LRIG3: variants seen among roughly 807,000 people sequenced by gnomAD.
LRIG3 encodes leucine rich repeats and immunoglobulin like domains 3.
A neutral mutation model predicts 114.5 loss-of-function variants in LRIG3; 76 were observed. The observed-to-expected ratio is 0.66, with a 90% CI of 0.55 to 0.80. LRIG3 has a LOEUF of 0.80. LRIG3 is among the 30% of genes least tolerant of loss of function. The pLI, the probability that LRIG3 is intolerant of heterozygous loss-of-function variation, is 0.00. For missense variants in LRIG3, 1,239 were observed against 1,382.8 expected, an observed-to-expected ratio of 0.90 and a Z score of 1.65; for synonymous variants, 512 against 519.8, an observed-to-expected ratio of 0.98 and a Z score of 0.20.
rs1414005876 is a variant in LRIG3 at position 58,907,888 on chromosome 12, A to C, written c.383+6094T>G. ...GGCTGAGGGGATTGAGAGCTCGCTA[A>C]GATAAAAGTTGGACCCTGGAAGGAG... On this transcript the variant is annotated intron_variant, in intron 3 of 18. Coordinates refer to ENST00000320743, the MANE Select transcript of LRIG3 (RefSeq NM_153377.5). Among the ~76,000 whole-genome samples the C allele has an allele frequency of 2.0e-5, 3 of 152,164 alleles. No homozygotes were observed. The East Asian group carries it at 5.8e-4, about 29-fold the overall frequency.
Position 58,874,172 on chromosome 12 carries a change from T to C in LRIG3, c.2998A>G (p.Thr1000Ala). Reference protein sequence around the residue: ...WPSHVRKLLNTSYSHNEGPGM... With the variant: ...WPSHVRKLLNASYSHNEGPGM... Reference sequence around the variant, plus strand: ...GGTCCTTCATTGTGAGAGTAACTAGTGTTAAGTAGCTTCCTCACATGTGAA... The same window carrying C: ...GGTCCTTCATTGTGAGAGTAACTAGCGTTAAGTAGCTTCCTCACATGTGAA... Residue 1000 changes from threonine to alanine, a missense_variant, in exon 18 of 19, where the codon ACT becomes GCT. By Grantham distance (58) the Thr-to-Ala change is moderately conservative. Coordinates refer to ENST00000320743, the MANE Select transcript of LRIG3 (RefSeq NM_153377.5). 6 of 1,614,204 alleles carry C rather than the reference T, an allele frequency of 3.7e-6. No homozygotes were observed. Among genetic ancestry groups the C allele is most frequent in the Non-Finnish European group, 5.1e-6 (6 of 1,180,032 alleles).
chr12:58,888,709 T>C, intron 6 of LRIG3, 110 bp downstream of exon 6: 4 of 1,429,386 alleles, frequency 2.8e-6, no homozygotes, highest in Non-Finnish European at 3.8e-6. Context: ...ATAAATAAGA[T>C]TGTGGATGAT....
chr12:58,895,138 C>A (rs1871594738), intron 3 of LRIG3, among the ~76,000 whole-genome samples: 2 of 152,192 alleles, frequency 1.3e-5, no homozygotes, highest in African/African-American at 4.8e-5. Context: ...ACATGGCTTA[C>A]CATTTTCATC....
intron 3 of LRIG3, among the ~76,000 whole-genome samples, chr12:58,908,742 G>C (rs1417572905): frequency 6.6e-6 from 1 of 152,170 alleles, no homozygotes; most frequent in Admixed American, 6.5e-5. Context: ...AAGGAGATCT[G>C]TCTGAATTAC....
chr12:58,889,961 G>A (rs369313381), intron 5 of LRIG3, 35 bp downstream of exon 5: 3 of 1,606,612 alleles, frequency 1.9e-6, no homozygotes, highest in Non-Finnish European at 2.6e-6. Flanking sequence ...TTTGGAGGAG[G>A]TGAGAAACAG....
intron 3 of LRIG3, among the ~76,000 whole-genome samples, chr12:58,896,755 A>G (rs560843315): frequency 8.5e-5 from 13 of 152,338 alleles, no homozygotes; most frequent in Middle Eastern, 6.8e-3. Context: ...ATTGCAACTA[A>G]CAAATTGCTG....
chr12:58,888,718 A>C (rs1224098447), intron 6 of LRIG3, 101 bp downstream of exon 6: 20 of 1,455,630 alleles, frequency 1.4e-5, no homozygotes, highest in Non-Finnish European at 1.7e-5. Flanking sequence ...ATTGTGGATG[A>C]TGAGATTTTA....
chr12:58,901,429 A>C (rs1871844860), intron 3 of LRIG3, among the ~76,000 whole-genome samples: 1 of 152,314 alleles, frequency 6.6e-6, no homozygotes, highest in Non-Finnish European at 1.5e-5. Context: ...TTAAGGCTCT[A>C]GACTTGCATT....
chr12:58,882,818 A>G, intron 12 of LRIG3, 51 bp downstream of exon 12: 1 of 1,519,334 alleles, frequency 6.6e-7, no homozygotes, highest in Non-Finnish European at 8.9e-7. Flanking sequence ...GATAAATGGG[A>G]GGGGGAAAAA....
At chr12:58,911,206 C>T (rs972346346) in intron 3 of LRIG3, among the ~76,000 whole-genome samples, 1 of 152,180 alleles carries the variant, frequency 6.6e-6, no homozygotes, top group African/African-American at 2.4e-5. Flanking sequence ...AGATTCCTAT[C>T]ATCCCAGATT....
chr12:58,909,151 C>T (rs1350872720), intron 3 of LRIG3, among the ~76,000 whole-genome samples: 2 of 152,182 alleles, frequency 1.3e-5, no homozygotes, highest in Non-Finnish European at 2.9e-5. Flanking sequence ...TCCGACACCT[C>T]TTCCCTGCTG....
At position 58,878,896 on chromosome 12, in the gene LRIG3, T is replaced by C; in HGVS notation, c.2011A>G (p.Ile671Val). 1 of 1,614,200 alleles carries C rather than the reference T, an allele frequency of 6.2e-7. No individual in the cohort carries two copies. Residue 671 changes from isoleucine to valine, a missense_variant, in exon 14 of 19, where the codon ATT (isoleucine) becomes GTT (valine). Coordinates refer to ENST00000320743, the MANE Select transcript of LRIG3 (RefSeq NM_153377.5). ...FFIVDVKIEDIGVYSCTAQNS... is the reference protein window; with the variant it reads ...FFIVDVKIEDVGVYSCTAQNS... ...TGAGCTGTGCAGCTGTATACCCCAA[T>C]GTCCTCTATCTTCACATCCACGATA... is the stretch of plus-strand genomic sequence containing the variant.
At chr12:58,887,966 A>AT in intron 7 of LRIG3, 34 bp from the exon 8 acceptor site, 1 of 1,584,842 alleles carries the variant, frequency 6.3e-7, no homozygotes, top group Non-Finnish European at 8.6e-7. Context: ...AATAGCTTTT[A>AT]TTTTTCAATT....
intron 3 of LRIG3, among the ~76,000 whole-genome samples, chr12:58,912,797 C>G (rs1205527305): frequency 6.6e-6 from 1 of 152,220 alleles, no homozygotes; most frequent in African/African-American, 2.4e-5. Context: ...CCAAAACCAG[C>G]ACTCCATTTA....
At chr12:58,900,577 C>T (rs1006984170) in intron 3 of LRIG3, among the ~76,000 whole-genome samples, 2 of 151,920 alleles carry the variant, frequency 1.3e-5, no homozygotes, top group African/African-American at 2.4e-5. Context: ...AAAATAAAAC[C>T]ATTAAGTTAC....
At chr12:58,905,411 G>T (rs1229419673) in intron 3 of LRIG3, among the ~76,000 whole-genome samples, 2 of 152,118 alleles carry the variant, frequency 1.3e-5, no homozygotes, top group African/African-American at 2.4e-5. Flanking sequence ...TCCAATAAAA[G>T]ATTACAACTT....
At chr12:58,884,186 C>T (rs538754202) in intron 10 of LRIG3, among the ~76,000 whole-genome samples, 19 of 152,288 alleles carry the variant, frequency 1.2e-4, no homozygotes, top group East Asian at 9.7e-4. Flanking sequence ...CTAACATAAA[C>T]GCAGTAAGAT....
intron 8 of LRIG3, chr12:58,887,184 A>C: frequency 3.2e-6 from 1 of 312,076 alleles, no homozygotes; most frequent in Non-Finnish European, 5.9e-6. Context: ...AAATACATTA[A>C]ACTTTAAAAC....
chr12:58,881,051 G>T, intron 12 of LRIG3, 150 bp from the exon 13 acceptor site: 1 of 671,458 alleles, frequency 1.5e-6, no homozygotes, highest in Non-Finnish European at 2.6e-6. Flanking sequence ...TCCCCATGTT[G>T]AAATGATACA....
Sources: allele counts gnomAD v4.1 joint callset (sites outside exome capture counted in the v4.1 genomes callset), GRCh38; gene constraint gnomAD v4.1.1; transcripts MANE v1.5; gene names NCBI Gene and HGNC (gene_info 2026-07-23, HGNC 2026-07-21).